PRR33: variants seen among roughly 807,000 people sequenced by gnomAD.
PRR33 encodes the protein proline rich 33, also known as proline-rich protein 33.
Under a neutral mutation model 0.5 loss-of-function variants are expected in PRR33, and 1 was observed. The observed-to-expected ratio is 2.18, with a 90% CI of 0.77 to 10.34. The LOEUF is 10.34. PRR33 is among the 30% of genes most tolerant of loss of function. The pLI is 0.13. For missense variants in PRR33, 552 were observed against 251.8 expected, an observed-to-expected ratio of 2.19 and a Z score of -8.07; for synonymous variants, 226 against 110.0, an observed-to-expected ratio of 2.06 and a Z score of -6.60.
the PRR33 span, among the ~76,000 whole-genome samples, chr11:1,903,462 C>T: frequency 6.6e-6 from 1 of 152,148 alleles, no homozygotes; most frequent in Non-Finnish European, 1.5e-5. Flanking sequence ...GCCTTTTGTG[C>T]AGACACTTTT....
chr11:1,892,502 C>A (rs1223723429), upstream of PRR33, among the ~76,000 whole-genome samples: 1 of 152,220 alleles, frequency 6.6e-6, no homozygotes, highest in African/African-American at 2.4e-5. Context: ...TCTGTGATAT[C>A]CCTACCCCAA....
At chr11:1,898,585 G>A in the PRR33 span, among the ~76,000 whole-genome samples, 2 of 152,146 alleles carry the variant, frequency 1.3e-5, no homozygotes, top group Non-Finnish European at 2.9e-5. Flanking sequence ...CATGGAAAAA[G>A]AGGCCTCACA....
At chr11:1,899,844 T>C in the PRR33 span, among the ~76,000 whole-genome samples, 1 of 152,096 alleles carries the variant, frequency 6.6e-6, no homozygotes, top group Non-Finnish European at 1.5e-5. Flanking sequence ...AAAGCTTCTA[T>C]ATAACCAGAA....
exon 1 of PRR33, chr11:1,890,445 C>A (rs763498026): frequency 1.1e-5 from 8 of 717,152 alleles, no homozygotes; most frequent in South Asian, 4.4e-5. Context: ...CATCTTCTTC[C>A]GGGCTGCCTT....
the PRR33 span, among the ~76,000 whole-genome samples, chr11:1,914,216 GGAT>G: frequency 6.6e-6 from 1 of 152,104 alleles, no homozygotes; most frequent in African/African-American, 2.4e-5. Flanking sequence ...CACACACCTG[GGAT>G]GATGTTTCTG....
chr11:1,915,305 G>A, the PRR33 span, among the ~76,000 whole-genome samples: 1 of 149,294 alleles, frequency 6.7e-6, no homozygotes, highest in South Asian at 2.1e-4. Context: ...CTGTGTGTGT[G>A]TTGTGGGATA....
exon 1 of PRR33, chr11:1,889,827 C>G (rs1408140091): frequency 1.1e-5 from 7 of 634,314 alleles, no homozygotes; most frequent in Non-Finnish European, 2.0e-5. Context: ...GGCCTGGAAG[C>G]CGGGTGGCGG....
the PRR33 span, among the ~76,000 whole-genome samples, chr11:1,916,013 G>T: frequency 6.6e-5 from 10 of 152,014 alleles, no homozygotes; most frequent in Non-Finnish European, 1.5e-4. Context: ...TGGTTGAAAG[G>T]ATGGACAGAC....
At chr11:1,902,104 C>T in the PRR33 span, among the ~76,000 whole-genome samples, 4 of 151,874 alleles carry the variant, frequency 2.6e-5, no homozygotes, top group African/African-American at 7.3e-5. Flanking sequence ...TGGTGGCGGG[C>T]GCCTGTAGTC....
chr11:1,914,882 G>GTTC, the PRR33 span, among the ~76,000 whole-genome samples: 2 of 96,238 alleles, frequency 2.1e-5, no homozygotes, highest in Admixed American at 1.0e-4. Flanking sequence ...TGTGTGTGTT[G>GTTC]TGAGGTCACA....
exon 1 of PRR33, chr11:1,890,756 G>A (rs1194243554): frequency 1.7e-6 from 1 of 599,762 alleles, no homozygotes; most frequent in Admixed American, 2.9e-5. Context: ...GAGCTCGACT[G>A]TGCCTTGGGG....
the PRR33 span, among the ~76,000 whole-genome samples, chr11:1,913,968 C>T: frequency 3.3e-5 from 5 of 152,254 alleles, no homozygotes; most frequent in East Asian, 3.8e-4. Context: ...CACCTCTGTG[C>T]CCAGCATAGC....
chr11:1,891,207 G>T lies in PRR33; in HGVS notation c.-623C>A, dbSNP rs1442129099. 1 of 152,638 alleles carries T rather than the reference G, an allele frequency of 6.6e-6. No homozygotes were observed. Among genetic ancestry groups the T allele is most frequent in the Non-Finnish European group, 1.5e-5 (1 of 68,336 alleles). The allele number at this position is 152,638 out of a possible 1,614,324, so 9.5% of individuals were successfully genotyped here. A position where few individuals can be genotyped will look rare whatever the true frequency, so the allele number is the denominator to read the frequency against. ...GAGCTATGCTAAATGGGATATTCCC[G>T]CAGACCTCCTGTCTGGGGTGGCCCG... On this transcript the variant is annotated 5_prime_UTR_variant, in exon 1 of 1. The change creates a premature stop within an existing upstream ORF in the 5' untranslated region. Transcript: ENST00000640310.
upstream of PRR33, among the ~76,000 whole-genome samples, chr11:1,893,953 G>A (rs915116458): frequency 5.2e-4 from 77 of 148,458 alleles, 1 homozygote; most frequent in African/African-American, 1.9e-3. Flanking sequence ...GGATGGATGG[G>A]TGAAGGGATA....
upstream of PRR33, among the ~76,000 whole-genome samples, chr11:1,893,631 G>T (rs1849080037): frequency 6.6e-6 from 1 of 151,740 alleles, no homozygotes; most frequent in Non-Finnish European, 1.5e-5. Flanking sequence ...TGGGTGGATG[G>T]ATGGATGGAA....
the PRR33 span, among the ~76,000 whole-genome samples, chr11:1,916,244 C>T: frequency 7.2e-5 from 11 of 152,196 alleles, no homozygotes; most frequent in East Asian, 1.2e-3. Context: ...GAAGTCCCTT[C>T]GAGGAGCAGC....
At chr11:1,913,334 C>T in the PRR33 span, among the ~76,000 whole-genome samples, 10 of 149,196 alleles carry the variant, frequency 6.7e-5, no homozygotes, top group Non-Finnish European at 1.5e-4. Context: ...TTAGTAGAGA[C>T]GGGGTTTCAC....
At chr11:1,889,922 G>A (rs1280350509) in exon 1 of PRR33, 2 of 629,364 alleles carry the variant, frequency 3.2e-6, no homozygotes, top group East Asian at 2.7e-5. Flanking sequence ...CTGGGACCAG[G>A]GGCTGGGCCC....
the PRR33 span, among the ~76,000 whole-genome samples, chr11:1,908,693 T>C: frequency 3.3e-5 from 5 of 152,236 alleles, no homozygotes; most frequent in Non-Finnish European, 7.3e-5. Flanking sequence ...TTCTGAAAAC[T>C]CTTCCGCCGA....
Sources: allele counts gnomAD v4.1 joint callset (sites outside exome capture counted in the v4.1 genomes callset), GRCh38; gene constraint gnomAD v4.1.1; transcripts MANE v1.5; gene names NCBI Gene and HGNC (gene_info 2026-07-23, HGNC 2026-07-21).